Variants in NEGR1 observed in about 807,000 individuals in gnomAD.
The protein encoded by NEGR1 is IgLON family member 4.
In NEGR1, 10 loss-of-function variants were observed where a neutral mutation model predicts 40.9. That is an observed-to-expected ratio of 0.24 (90% CI 0.15 to 0.42). The LOEUF is 0.42. Ranked by LOEUF, NEGR1 falls within the 10% of genes least tolerant of loss-of-function variation. The pLI, the probability that NEGR1 is intolerant of heterozygous loss-of-function variation, is 1.00. For missense variants in NEGR1, 352 were observed against 438.9 expected (o/e 0.80, Z 1.77); for synonymous variants, 185 against 166.8 (o/e 1.11, Z -0.84).
chr1:72,274,749 T>A (rs1428895225), intron 1 of NEGR1: 1 of 1,143,838 alleles, frequency 8.7e-7, no homozygotes, highest in Non-Finnish European at 1.3e-6. Context: ...AAGGAGAAAT[T>A]GCTTGCTGTA....
At chr1:71,611,293 G>A in intron 4 of NEGR1, 147 bp from the exon 5 acceptor site, 1 of 703,086 alleles carries the variant, frequency 1.4e-6, no homozygotes, top group Non-Finnish European at 2.3e-6. Flanking sequence ...AGTGTTTTAT[G>A]CTTCAAATAC....
chr1:71,451,118 C>T (rs975668681), intron 6 of NEGR1, among the ~76,000 whole-genome samples: 12 of 152,096 alleles, frequency 7.9e-5, no homozygotes, highest in African/African-American at 2.7e-4. Flanking sequence ...TGGAAGATGC[C>T]CCTCCCCGTC....
At chr1:71,734,217 C>T (rs1654976316) in intron 3 of NEGR1, among the ~76,000 whole-genome samples, 1 of 152,132 alleles carries the variant, frequency 6.6e-6, no homozygotes, top group African/African-American at 2.4e-5. Flanking sequence ...ACTGGCTGCA[C>T]AAGTAAGACC....
chr1:71,817,407 G>A (rs75211229), intron 2 of NEGR1, among the ~76,000 whole-genome samples: 2,425 of 152,134 alleles, frequency 0.016, 64 homozygotes, highest in African/African-American at 0.056. Context: ...TTAGTTAGAC[G>A]TTCATCACAA....
chr1:71,620,498 A>T (rs1344145773), intron 4 of NEGR1, among the ~76,000 whole-genome samples: 1 of 152,040 alleles, frequency 6.6e-6, no homozygotes. Context: ...TTACTTGAAG[A>T]CAGGTTGAAA....
At chr1:71,539,346 C>A (rs992764603) in intron 6 of NEGR1, among the ~76,000 whole-genome samples, 2 of 151,546 alleles carry the variant, frequency 1.3e-5, no homozygotes, top group Admixed American at 6.6e-5. Context: ...TCAAGAAAAC[C>A]ATTTCTATTA....
chr1:71,486,650 G>A (rs1289535775), intron 6 of NEGR1: 1 of 151,314 alleles, frequency 6.6e-6, no homozygotes, highest in African/African-American at 2.4e-5. Context: ...TGTAATATTT[G>A]TCTAAGGGTC....
chr1:72,240,044 C>G (rs1234427017), intron 1 of NEGR1, among the ~76,000 whole-genome samples: 1 of 151,856 alleles, frequency 6.6e-6, no homozygotes, highest in Non-Finnish European at 1.5e-5. Flanking sequence ...AAGGTTAAGA[C>G]TTCACCTTGA....
intron 1 of NEGR1, among the ~76,000 whole-genome samples, chr1:72,009,212 T>C (rs1646635687): frequency 6.6e-6 from 1 of 152,080 alleles, no homozygotes; most frequent in South Asian, 2.1e-4. Context: ...TGTTGCTAAA[T>C]TCTTCTCTTT....
At chr1:72,263,921 T>G (rs528225064) in intron 1 of NEGR1, among the ~76,000 whole-genome samples, 1 of 151,628 alleles carries the variant, frequency 6.6e-6, no homozygotes, top group East Asian at 1.9e-4. Context: ...TCATTTCCCC[T>G]TAGATGTTTC....
chr1:72,135,561 C>G (rs927999482), intron 1 of NEGR1, among the ~76,000 whole-genome samples: 4 of 151,988 alleles, frequency 2.6e-5, no homozygotes, highest in African/African-American at 9.7e-5. Flanking sequence ...AGTTTCCAGG[C>G]TGCAGCACAG....
chr1:71,784,115 G>T (rs990339843), intron 2 of NEGR1, among the ~76,000 whole-genome samples: 1 of 152,094 alleles, frequency 6.6e-6, no homozygotes, highest in African/African-American at 2.4e-5. Context: ...ACAGAATTTG[G>T]TGGTTTAAAA....
chr1:72,155,467 A>T (rs1056696394), intron 1 of NEGR1, among the ~76,000 whole-genome samples: 5 of 151,990 alleles, frequency 3.3e-5, no homozygotes, highest in African/African-American at 1.2e-4. Context: ...ATCTCTTTAT[A>T]CCTAGTAATT....
intron 1 of NEGR1, among the ~76,000 whole-genome samples, chr1:72,144,686 G>C (rs1466981342): frequency 6.6e-6 from 1 of 151,988 alleles, no homozygotes. Context: ...CTTCTCTAAT[G>C]AATGTCCAAA....
chr1:71,453,838 G>A (rs1017152827), intron 6 of NEGR1, among the ~76,000 whole-genome samples: 1 of 151,960 alleles, frequency 6.6e-6, no homozygotes, highest in Non-Finnish European at 1.5e-5. Flanking sequence ...GTTCACTGAT[G>A]GGGAACAGTA....
intron 6 of NEGR1, among the ~76,000 whole-genome samples, chr1:71,495,967 T>G (rs1167710291): frequency 6.6e-6 from 1 of 152,192 alleles, no homozygotes; most frequent in Non-Finnish European, 1.5e-5. Context: ...CATTTTTTTT[T>G]GATAGCAGTT....
chr1:71,446,798 C>A (rs1454257756), intron 6 of NEGR1, among the ~76,000 whole-genome samples: 1 of 152,182 alleles, frequency 6.6e-6, no homozygotes, highest in Admixed American at 6.5e-5. Flanking sequence ...CACTACGTCC[C>A]CCTTCTAGTA....
intron 3 of NEGR1, among the ~76,000 whole-genome samples, chr1:71,709,704 CA>C (rs1208558932): frequency 3.3e-5 from 5 of 152,072 alleles, no homozygotes; most frequent in Non-Finnish European, 7.4e-5. Flanking sequence ...TCAACATATA[CA>C]AAAAATCAAA....
intron 1 of NEGR1, among the ~76,000 whole-genome samples, chr1:71,955,444 T>C (rs1301590874): frequency 6.6e-6 from 1 of 152,126 alleles, no homozygotes; most frequent in Non-Finnish European, 1.5e-5. Context: ...TCCTCTGATA[T>C]GACAGACTGC....
Sources: allele counts gnomAD v4.1 joint callset (sites outside exome capture counted in the v4.1 genomes callset), GRCh38; gene constraint gnomAD v4.1.1; transcripts MANE v1.5; gene names NCBI Gene and HGNC (gene_info 2026-07-23, HGNC 2026-07-21).